The following ATRNL1 variants were observed in gnomAD, a reference collection of about 807,000 sequenced individuals.
The protein encoded by ATRNL1 is attractin like 1, also known as attractin-like protein 1.
A neutral mutation model predicts 182.7 loss-of-function variants in ATRNL1; 95 were observed. The observed-to-expected ratio is 0.52, with a 90% CI of 0.44 to 0.62. The LOEUF is 0.62. ATRNL1 is among the 20% of genes least tolerant of loss of function. The pLI, the probability that ATRNL1 is intolerant of heterozygous loss-of-function variation, is 0.00. For missense variants in ATRNL1, 1,471 were observed against 1,679.5 expected, an observed-to-expected ratio of 0.88 and a Z score of 2.17; for synonymous variants, 576 against 568.3, an observed-to-expected ratio of 1.01 and a Z score of -0.19.
intron 27 of ATRNL1, among the ~76,000 whole-genome samples, chr10:115,765,822 C>G (rs1555074891): frequency 6.6e-6 from 1 of 152,110 alleles, no homozygotes; most frequent in East Asian, 1.9e-4. Flanking sequence ...GTGGAGGGTA[C>G]TACCTCACTT....
chr10:115,420,818 A>C (rs1160711746), intron 20 of ATRNL1, among the ~76,000 whole-genome samples: 2 of 152,152 alleles, frequency 1.3e-5, no homozygotes, highest in Admixed American at 6.5e-5. Context: ...GCCTAAGAAA[A>C]AAAGAGGAAT....
At chr10:115,576,120 C>A (rs1171491166) in intron 26 of ATRNL1, among the ~76,000 whole-genome samples, 1 of 151,970 alleles carries the variant, frequency 6.6e-6, no homozygotes, top group Non-Finnish European at 1.5e-5. Flanking sequence ...ACCACAATTT[C>A]TTTATCCATT....
At chr10:115,438,269 T>A (rs1460652191) in intron 21 of ATRNL1, among the ~76,000 whole-genome samples, 4 of 152,012 alleles carry the variant, frequency 2.6e-5, no homozygotes, top group African/African-American at 9.7e-5. Context: ...ATCTCAGATA[T>A]AAAGATATTT....
chr10:115,311,463 A>C (rs1447975101), intron 17 of ATRNL1, among the ~76,000 whole-genome samples: 2 of 152,190 alleles, frequency 1.3e-5, no homozygotes, highest in South Asian at 2.1e-4. Flanking sequence ...CTGGGATTAC[A>C]GGCGTGAGCC....
At chr10:115,915,180 G>C (rs782403132) in intron 28 of ATRNL1, among the ~76,000 whole-genome samples, 1 of 152,058 alleles carries the variant, frequency 6.6e-6, no homozygotes, top group East Asian at 1.9e-4. Context: ...GGCGGATCAC[G>C]AAGTCAGGAG....
intron 25 of ATRNL1, among the ~76,000 whole-genome samples, chr10:115,520,523 C>A (rs1473167260): frequency 1.3e-5 from 2 of 152,248 alleles, no homozygotes; most frequent in South Asian, 4.1e-4. Flanking sequence ...ATAAAAACAG[C>A]TGGTGGATTG....
At chr10:115,209,758 A>G (rs1459309518) in intron 8 of ATRNL1, among the ~76,000 whole-genome samples, 1 of 151,998 alleles carries the variant, frequency 6.6e-6, no homozygotes, top group African/African-American at 2.4e-5. Flanking sequence ...GTTATCTTGC[A>G]TGTTTATTGA....
At chr10:115,527,464 G>A (rs1554986854) in intron 25 of ATRNL1, among the ~76,000 whole-genome samples, 1 of 151,752 alleles carries the variant, frequency 6.6e-6, no homozygotes, top group Non-Finnish European at 1.5e-5. Flanking sequence ...GTTATTTGTT[G>A]TGTGATGGTT....
intron 26 of ATRNL1, among the ~76,000 whole-genome samples, chr10:115,562,643 T>A (rs1422410237): frequency 6.6e-6 from 1 of 152,140 alleles, no homozygotes; most frequent in Non-Finnish European, 1.5e-5. Context: ...AGTGAGTTAG[T>A]TCTCTTGAGA....
intron 9 of ATRNL1, among the ~76,000 whole-genome samples, chr10:115,229,593 C>G (rs1849840853): frequency 6.6e-6 from 1 of 151,916 alleles, no homozygotes; most frequent in Non-Finnish European, 1.5e-5. Context: ...TATACGCACA[C>G]AAGCACACAA....
At chr10:115,132,255 T>G (rs1845281242) in intron 5 of ATRNL1, among the ~76,000 whole-genome samples, 2 of 152,228 alleles carry the variant, frequency 1.3e-5, no homozygotes, top group Admixed American at 6.5e-5. Flanking sequence ...ACAAAGGACA[T>G]GAACTCATCA....
At chr10:115,405,107 G>C (rs535952609) in intron 20 of ATRNL1, among the ~76,000 whole-genome samples, 60 of 152,216 alleles carry the variant, frequency 3.9e-4, no homozygotes, top group African/African-American at 1.4e-3. Context: ...GTATGTCAAA[G>C]AAAGAGACAG....
At chr10:115,644,286 T>G (rs1555031422) in intron 26 of ATRNL1, among the ~76,000 whole-genome samples, 1 of 152,094 alleles carries the variant, frequency 6.6e-6, no homozygotes, top group Non-Finnish European at 1.5e-5. Flanking sequence ...AGAAAAACAT[T>G]TTTTTACTCT....
chr10:115,822,012 T>C (rs181683991), intron 27 of ATRNL1, among the ~76,000 whole-genome samples: 82 of 152,290 alleles, frequency 5.4e-4, no homozygotes, highest in African/African-American at 1.9e-3. Context: ...TATTCTAAAG[T>C]TGACCACATA....
chr10:115,599,111 TATAATAAGA>T (rs1555015150), intron 26 of ATRNL1, among the ~76,000 whole-genome samples: 2 of 152,166 alleles, frequency 1.3e-5, no homozygotes, highest in Admixed American at 6.5e-5. Flanking sequence ...TCACCACCAA[TATAATAAGA>T]ACAAGCTTAA....
chr10:115,897,774 G>A (rs2134480274), intron 28 of ATRNL1, among the ~76,000 whole-genome samples: 1 of 152,256 alleles, frequency 6.6e-6, no homozygotes, highest in South Asian at 2.1e-4. Context: ...AAAACACAGT[G>A]CGGATCATAA....
At chr10:115,140,503 T>A (rs1554877769) in intron 5 of ATRNL1, among the ~76,000 whole-genome samples, 1 of 152,160 alleles carries the variant, frequency 6.6e-6, no homozygotes, top group African/African-American at 2.4e-5. Flanking sequence ...CAGCATACAA[T>A]TTTTTCTTAA....
chr10:115,798,592 A>C, intron 27 of ATRNL1, among the ~76,000 whole-genome samples: 1 of 150,792 alleles, frequency 6.6e-6, no homozygotes, highest in African/African-American at 2.4e-5. Flanking sequence ...GTCCTGTTAC[A>C]GACCATCACC....
At chr10:115,243,739 C>T (rs931831129) in intron 10 of ATRNL1, among the ~76,000 whole-genome samples, 2 of 151,964 alleles carry the variant, frequency 1.3e-5, no homozygotes, top group African/African-American at 4.8e-5. Flanking sequence ...GCAAGTTGTT[C>T]AGACTGGAGG....
Sources: gnomAD v4.1 joint callset for allele counts (sites outside exome capture counted in the v4.1 genomes callset) on GRCh38, gnomAD v4.1.1 for gene constraint, MANE v1.5 for transcripts, NCBI Gene and HGNC (gene_info 2026-07-23, HGNC 2026-07-21) for gene names.